The following RHOJ variants were observed in gnomAD, a reference collection of about 807,000 sequenced individuals.
RHOJ encodes the protein rho-related GTP-binding protein RhoJ.
A neutral mutation model predicts 23.4 loss-of-function variants in RHOJ; 11 were observed. The ratio of observed to expected loss-of-function variants is 0.47; its 90% confidence interval spans 0.30 to 0.78. RHOJ has a LOEUF of 0.78. Ranked by LOEUF, RHOJ falls within the 30% of genes least tolerant of loss-of-function variation. RHOJ has a pLI of 0.08. For missense variants in RHOJ, 254 were observed against 273.4 expected (o/e 0.93, Z 0.50); for synonymous variants, 102 against 102.7 (o/e 0.99, Z 0.04).
intron 1 of RHOJ, among the ~76,000 whole-genome samples, chr14:63,236,689 T>A (rs1894795189): frequency 6.6e-6 from 1 of 151,898 alleles, no homozygotes; most frequent in Non-Finnish European, 1.5e-5. Flanking sequence ...TGAAATGTTT[T>A]CTAGTTACCA....
chr14:63,220,924 T>G (rs1436942299), intron 1 of RHOJ, among the ~76,000 whole-genome samples: 1 of 152,146 alleles, frequency 6.6e-6, no homozygotes, highest in Non-Finnish European at 1.5e-5. Context: ...AATCTGACAC[T>G]CTGTTCTATT....
At chr14:63,280,423 TGCA>T (rs1481085684) in intron 2 of RHOJ, among the ~76,000 whole-genome samples, 1 of 152,182 alleles carries the variant, frequency 6.6e-6, no homozygotes, top group Non-Finnish European at 1.5e-5. Context: ...GGTACAAAGC[TGCA>T]GTTAGCTAGG....
At chr14:63,282,268 TCACACACACAAACACATGCACA>T (rs1881930979) in intron 3 of RHOJ, among the ~76,000 whole-genome samples, 1 of 146,250 alleles carries the variant, frequency 6.8e-6, no homozygotes, top group African/African-American at 2.7e-5. Flanking sequence ...TGAACAATTA[TCACACACACAAACACATGCACA>T]CACACACACA....
At chr14:63,235,401 T>G (rs573060088) in intron 1 of RHOJ, among the ~76,000 whole-genome samples, 2 of 152,318 alleles carry the variant, frequency 1.3e-5, no homozygotes, top group South Asian at 4.1e-4. Context: ...ATGTTAATTT[T>G]CTTGGTTATG....
chr14:63,214,466 A>G (rs1039976266), intron 1 of RHOJ, among the ~76,000 whole-genome samples: 1 of 152,194 alleles, frequency 6.6e-6, no homozygotes, highest in African/African-American at 2.4e-5. Flanking sequence ...CAATTTAAAA[A>G]CAGATATGCA....
At chr14:63,245,302 A>C (rs1193779248) in intron 1 of RHOJ, among the ~76,000 whole-genome samples, 1 of 152,122 alleles carries the variant, frequency 6.6e-6, no homozygotes, top group East Asian at 1.9e-4. Context: ...ATTAAAAAAA[A>C]AAGGCAGAAA....
chr14:63,271,297 G>C (rs1895464672), intron 2 of RHOJ, among the ~76,000 whole-genome samples: 1 of 152,164 alleles, frequency 6.6e-6, no homozygotes, highest in African/African-American at 2.4e-5. Flanking sequence ...TCTGTGATGA[G>C]GACTTTTCAC....
chr14:63,270,664 TC>T (rs1370045253), intron 2 of RHOJ, among the ~76,000 whole-genome samples: 1 of 152,210 alleles, frequency 6.6e-6, no homozygotes, highest in Non-Finnish European at 1.5e-5. Context: ...CACTGGGGTG[TC>T]CCCATTCATC....
At chr14:63,224,124 A>C (rs1007826515) in intron 1 of RHOJ, among the ~76,000 whole-genome samples, 4 of 152,206 alleles carry the variant, frequency 2.6e-5, no homozygotes, top group African/African-American at 9.7e-5. Context: ...CACCTAAGAA[A>C]TGTTATTGTT....
intron 1 of RHOJ, among the ~76,000 whole-genome samples, chr14:63,254,120 A>G (rs17100922): frequency 0.37 from 56,281 of 151,940 alleles, 14,805 homozygotes; most frequent in African/African-American, 0.74. Flanking sequence ...CTTATGTCAC[A>G]CAGGACCGGA....
At chr14:63,264,184 A>G (rs1468518044) in intron 1 of RHOJ, among the ~76,000 whole-genome samples, 1 of 149,944 alleles carries the variant, frequency 6.7e-6, no homozygotes, top group South Asian at 2.1e-4. Flanking sequence ...CTCCCTCCCC[A>G]CTCTAGTAGT....
chr14:63,252,724 GC>G (rs772371037), intron 1 of RHOJ, among the ~76,000 whole-genome samples: 63 of 152,056 alleles, frequency 4.1e-4, no homozygotes, highest in Admixed American at 1.5e-3. Context: ...ACTCCTCCAT[GC>G]CTTCCCAAAA....
At chr14:63,222,197 A>G (rs369493896) in intron 1 of RHOJ, among the ~76,000 whole-genome samples, 4 of 151,928 alleles carry the variant, frequency 2.6e-5, no homozygotes, top group Admixed American at 6.6e-5. Context: ...GTGTATATGT[A>G]CCACATTTTC....
intron 1 of RHOJ, among the ~76,000 whole-genome samples, chr14:63,224,734 T>C (rs917047916): frequency 6.6e-6 from 1 of 152,254 alleles, no homozygotes; most frequent in Admixed American, 6.5e-5. Flanking sequence ...AATTTAGTTA[T>C]TTGGAAGATT....
chr14:63,213,960 C>T (rs1420121862), intron 1 of RHOJ, among the ~76,000 whole-genome samples: 2 of 152,138 alleles, frequency 1.3e-5, no homozygotes, highest in Non-Finnish European at 2.9e-5. Context: ...CAAGGAAGGC[C>T]AGCGATGTGC....
At chr14:63,284,735 G>T (rs765954295) in intron 4 of RHOJ, among the ~76,000 whole-genome samples, 2 of 152,176 alleles carry the variant, frequency 1.3e-5, no homozygotes, top group African/African-American at 4.8e-5. Context: ...TTCACAGCCA[G>T]GATGTCCCCA....
At chr14:63,232,792 G>C (rs1359501545) in intron 1 of RHOJ, among the ~76,000 whole-genome samples, 2 of 149,824 alleles carry the variant, frequency 1.3e-5, no homozygotes, top group South Asian at 2.1e-4. Flanking sequence ...CATCTCCCAG[G>C]CTCAAGCCAT....
At chr14:63,240,346 C>T (rs1344720043) in intron 1 of RHOJ, among the ~76,000 whole-genome samples, 1 of 152,104 alleles carries the variant, frequency 6.6e-6, no homozygotes, top group Non-Finnish European at 1.5e-5. Flanking sequence ...TGTTTTTTGG[C>T]ATGAGATACT....
intron 1 of RHOJ, among the ~76,000 whole-genome samples, chr14:63,267,335 T>C (rs1343503065): frequency 6.6e-6 from 1 of 152,110 alleles, no homozygotes; most frequent in East Asian, 1.9e-4. Flanking sequence ...TCCCATAACA[T>C]AGGTCAGAGC....
Sources: allele counts gnomAD v4.1 joint callset (sites outside exome capture counted in the v4.1 genomes callset), GRCh38; gene constraint gnomAD v4.1.1; transcripts MANE v1.5; gene names NCBI Gene and HGNC (gene_info 2026-07-23, HGNC 2026-07-21).